PHKA1: variants seen among roughly 807,000 people sequenced by gnomAD.
The protein encoded by PHKA1 is phosphorylase b kinase regulatory subunit alpha, skeletal muscle isoform.
Under a neutral mutation model 110.2 loss-of-function variants are expected in PHKA1, and 60 were observed. The observed-to-expected ratio is 0.54, with a 90% confidence interval of 0.44 to 0.68. The LOEUF is 0.68. PHKA1 is among the 30% of genes least tolerant of loss of function. The pLI, the probability that PHKA1 is intolerant of heterozygous loss-of-function variation, is 0.00. For synonymous variants in PHKA1, 316 were observed against 333.6 expected, an observed-to-expected ratio of 0.95 and a Z score of 0.58; for missense variants, 801 against 942.5, an observed-to-expected ratio of 0.85 and a Z score of 1.97.
At position 72,641,785 on chromosome X, in the gene PHKA1, A is replaced by T. The variant is rs537519803; in HGVS notation, c.1459+2577T>A. Among the ~76,000 whole-genome samples the T allele has an allele frequency of 6.3e-5, 7 of 111,418 alleles. No individual in the cohort carries two copies. The South Asian group carries it at 2.7e-3, about 42-fold the overall frequency. On this transcript the variant is annotated intron_variant, in intron 14 of 31. Transcript: ENST00000373542. ...CCCTTAGGGCAATTTTTTTATTGTG[A>T]AACTGTTGCAATAATAGAATTTTGA...
chrX:72,671,689 C>T (rs1307365503), intron 6 of PHKA1, among the ~76,000 whole-genome samples: 1 of 111,435 alleles, frequency 9.0e-6, no homozygotes, highest in Non-Finnish European at 1.9e-5. Flanking sequence ...TCAAACTATA[C>T]TACAAGGCTA....
intron 5 of PHKA1, among the ~76,000 whole-genome samples, chrX:72,678,312 G>A (rs1231404686): frequency 9.0e-6 from 1 of 111,410 alleles, no homozygotes; most frequent in Non-Finnish European, 1.9e-5. Context: ...GTGCAAATGT[G>A]TATGTGCATA....
At chrX:72,709,739 G>GT (rs1569454413) in intron 2 of PHKA1, among the ~76,000 whole-genome samples, 1 of 110,519 alleles carries the variant, frequency 9.0e-6, no homozygotes, top group Non-Finnish European at 1.9e-5. Flanking sequence ...TGTACTAAGG[G>GT]TATTTCTTAA....
intron 9 of PHKA1, 32 bp downstream of exon 9, chrX:72,657,556 C>T (rs2053510695): frequency 2.6e-6 from 3 of 1,133,158 alleles, no homozygotes; most frequent in Non-Finnish European, 3.6e-6. Flanking sequence ...GGCCATTCTA[C>T]CTTGGATTCA....
chrX:72,692,580 T>C (rs1230898489), intron 4 of PHKA1, among the ~76,000 whole-genome samples: 3 of 112,131 alleles, frequency 2.7e-5, no homozygotes, highest in Middle Eastern at 4.6e-3. Context: ...TTTCAAGAAA[T>C]TTTCCCATTT....
chrX:72,591,270 G>C (rs188066522), intron 29 of PHKA1, among the ~76,000 whole-genome samples: 1 of 111,684 alleles, frequency 9.0e-6, no homozygotes, highest in Non-Finnish European at 1.9e-5. Context: ...CAGGGACATA[G>C]ACGAAGCTGG....
rs782705422 is a variant in PHKA1 at position 72,602,145 on chromosome X, G to C, written c.3033+13C>G. ...TGGCAATATCCCAGCTAATCTCCCA[G>C]GTAGTATCTTACCTGCTTTATCTCA... On this transcript the variant is annotated intron_variant, in intron 27 of 31. Transcript: ENST00000373542. The C allele has an allele frequency of 8.9e-7, 1 of 1,127,888 alleles. No individual in the cohort carries two copies. Among genetic ancestry groups the C allele is most frequent in the Admixed American group, 2.2e-5 (1 of 45,693 alleles). The allele number at this position is 1,127,888 out of a possible 1,213,427, so 93.0% of individuals were successfully genotyped here.
rs782658370 is a variant in PHKA1 at position 72,672,586 on chromosome X, T to A, written c.618+3484A>T. ...ATCCATGAATTGATTAATGCATTCA[T>A]GATGGAAGAACCCTTATGATCCAGT... On this transcript the variant is annotated intron_variant, in intron 6 of 31. Transcript: ENST00000373542. Among the ~76,000 whole-genome samples, 4 of 111,948 alleles carry A rather than the reference T, an allele frequency of 3.6e-5. No homozygotes were observed. In the South Asian group the frequency reaches 1.5e-3, roughly 42 times the overall value.
At chrX:72,636,500 G>GAC in intron 14 of PHKA1, 114 bp from the exon 15 acceptor site, 1 of 505,101 alleles carries the variant, frequency 2.0e-6, no homozygotes, top group East Asian at 3.7e-5. Flanking sequence ...TATACATATA[G>GAC]ACACACACAC....
Position 72,622,306 on chromosome X carries a change from T to C in PHKA1, c.1960+803A>G, listed in dbSNP as rs782712483. 506 of 752,234 alleles carry C rather than the reference T, an allele frequency of 6.7e-4. 1 individual carries two copies. Among genetic ancestry groups the C allele is most frequent in the Non-Finnish European group, 7.7e-4 (495 of 638,821 alleles). 62.0% of individuals were successfully genotyped at this position (752,234 alleles called of 1,213,427 possible). ...GGGCAGCAAATTTATTTTTTTCTTT[T>C]CTCCAACATACCACTCTTAAGATAA... On this transcript the variant is annotated intron_variant, in intron 18 of 31. Transcript: ENST00000373542.
At chrX:72,677,898 T>A (rs1382117301) in intron 5 of PHKA1, among the ~76,000 whole-genome samples, 4 of 110,147 alleles carry the variant, frequency 3.6e-5, no homozygotes, top group Non-Finnish European at 7.6e-5. Flanking sequence ...CAATTTTTTT[T>A]AATTAGTCAG....
intron 28 of PHKA1, among the ~76,000 whole-genome samples, chrX:72,595,166 A>C (rs1229256163): frequency 8.9e-6 from 1 of 112,435 alleles, no homozygotes; most frequent in Non-Finnish European, 1.9e-5. Flanking sequence ...AATACACTAC[A>C]TCAACAGAAT....
intron 3 of PHKA1, among the ~76,000 whole-genome samples, chrX:72,697,646 G>A (rs1012337743): frequency 1.8e-5 from 2 of 109,118 alleles, no homozygotes; most frequent in Non-Finnish European, 3.8e-5. Flanking sequence ...CGCAACAGAG[G>A]CTACACTTGG....
chrX:72,589,968 A>G (rs1458814452), intron 29 of PHKA1, among the ~76,000 whole-genome samples: 1 of 111,724 alleles, frequency 9.0e-6, no homozygotes, highest in Non-Finnish European at 1.9e-5. Context: ...ATGGATAGGA[A>G]GAACCAATAT....
intron 4 of PHKA1, among the ~76,000 whole-genome samples, chrX:72,688,001 G>C (rs1407412049): frequency 9.2e-6 from 1 of 108,563 alleles, no homozygotes; most frequent in Non-Finnish European, 1.9e-5. Flanking sequence ...TAATTTTTTT[G>C]TATGTTTAGT....
intron 16 of PHKA1, among the ~76,000 whole-genome samples, chrX:72,630,416 A>T (rs2053149839): frequency 9.1e-6 from 1 of 110,481 alleles, no homozygotes; most frequent in South Asian, 3.9e-4. Flanking sequence ...TCAAGATTCC[A>T]TCTATTATTA....
chrX:72,626,185 G>T (rs1209732071), intron 17 of PHKA1, among the ~76,000 whole-genome samples: 1 of 108,952 alleles, frequency 9.2e-6, no homozygotes, highest in Non-Finnish European at 1.9e-5. Context: ...AGAAAGGAAG[G>T]GGGGAAAGGC....
intron 13 of PHKA1, among the ~76,000 whole-genome samples, chrX:72,645,134 A>G (rs2053345519): frequency 8.9e-6 from 1 of 111,738 alleles, no homozygotes; most frequent in African/African-American, 3.3e-5. Flanking sequence ...TCACTGAAGT[A>G]GGAAGCCCAA....
intron 5 of PHKA1, among the ~76,000 whole-genome samples, chrX:72,681,157 G>A (rs1461358937): frequency 3.1e-5 from 3 of 95,247 alleles, no homozygotes; most frequent in African/African-American, 1.1e-4. Context: ...CTGAGATGTG[G>A]GGAGCGCCTC....
Sources: gnomAD v4.1 joint callset for allele counts (sites outside exome capture counted in the v4.1 genomes callset) on GRCh38, gnomAD v4.1.1 for gene constraint, MANE v1.5 for transcripts, NCBI Gene and HGNC (gene_info 2026-07-23, HGNC 2026-07-21) for gene names.